The following MTHFD1L variants were observed in gnomAD, a reference collection of about 807,000 sequenced individuals.
The protein encoded by MTHFD1L is methylenetetrahydrofolate dehydrogenase (NADP+ dependent) 1 like.
In MTHFD1L, 81 loss-of-function variants were observed where a neutral mutation model predicts 119.5. The observed-to-expected ratio is 0.68, with a 90% CI of 0.57 to 0.82. The LOEUF (loss-of-function observed/expected upper bound fraction) is 0.82, where lower values mean the gene tolerates loss of function less well. Ranked by LOEUF, MTHFD1L falls within the 40% of genes least tolerant of loss-of-function variation. MTHFD1L has a pLI of 0.00. For synonymous variants in MTHFD1L, 430 were observed against 475.2 expected (o/e 0.90, Z 1.24); for missense variants, 1,125 against 1,253.4 (o/e 0.90, Z 1.55).
intron 27 of MTHFD1L, among the ~76,000 whole-genome samples, chr6:151,100,931 G>T (rs1189473087): frequency 2.6e-5 from 4 of 152,126 alleles, no homozygotes; most frequent in Non-Finnish European, 4.4e-5. Context: ...GGACAAGGCA[G>T]GCGGATCACT....
In MTHFD1L at chr6:151,056,841, C is replaced by T. The variant is rs575924926; in HGVS notation, c.2847+19724C>T. 4.6e-5 allele frequency among the ~76,000 whole-genome samples: 7 copies of T among 152,248 alleles called. No individual in the cohort carries two copies. The South Asian group carries it at 1.2e-3, about 27-fold the overall frequency. ...GTGTTCTGACCTGGGAGGGAAGGGA[C>T]GGAATCCTATTCATCTCTGAATCCT... On this transcript the variant is annotated intron_variant, in intron 26 of 27. Coordinates refer to ENST00000367321, the MANE Select transcript of MTHFD1L (RefSeq NM_015440.5).
intron 11 of MTHFD1L, among the ~76,000 whole-genome samples, chr6:150,928,692 C>G (rs992990931): frequency 6.6e-6 from 1 of 151,736 alleles, no homozygotes; most frequent in Non-Finnish European, 1.5e-5. Context: ...CAGGCATGCA[C>G]CCCCACGCCT....
chr6:150,904,499 G>C (rs1343197428), intron 7 of MTHFD1L, among the ~76,000 whole-genome samples: 2 of 152,190 alleles, frequency 1.3e-5, no homozygotes, highest in Non-Finnish European at 2.9e-5. Context: ...AATGAGCATA[G>C]TAACACCAAT....
At position 150,902,223 on chromosome 6, in the gene MTHFD1L, C is replaced by A. The variant is rs1583465418; in HGVS notation, c.781-3427C>A. ...ATCTCTTTATATTCAGATGCTTGTC[C>A]CTCCAGCTTAAAAATTCATGACTTT... On this transcript the variant is annotated intron_variant, in intron 7 of 27. Coordinates refer to ENST00000367321, the MANE Select transcript of MTHFD1L (RefSeq NM_015440.5). 1.3e-5 allele frequency among the ~76,000 whole-genome samples: 2 copies of A among 152,178 alleles called. 1 individual carries two copies. The highest frequency in any genetic ancestry group is 4.1e-4 in the South Asian group (2 of 4,820).
chr6:150,960,452 C>T (rs993960518), intron 18 of MTHFD1L, 37 bp downstream of exon 18: 10 of 1,575,020 alleles, frequency 6.3e-6, no homozygotes, highest in South Asian at 3.5e-5. Flanking sequence ...AGGGAGTGGA[C>T]GGTCCTCGTT....
intron 7 of MTHFD1L, among the ~76,000 whole-genome samples, chr6:150,902,169 C>T (rs1222554419): frequency 6.6e-6 from 1 of 152,156 alleles, no homozygotes; most frequent in African/African-American, 2.4e-5. Flanking sequence ...GTATAACTTT[C>T]CAAATCTCAT....
chr6:150,995,732 T>A lies in MTHFD1L; in HGVS notation c.2126-14087T>A, dbSNP rs187632902. 1.4e-3 allele frequency among the ~76,000 whole-genome samples: 210 copies of A among 151,812 alleles called. 2 individuals are homozygous for A. The East Asian group carries it at 0.025, about 18-fold the overall frequency. ...CCCAGGCTGGAGTGCAGTGGTGCAA[T>A]CTCGACTCACCGCAACCTCCGCCTC... On this transcript the variant is annotated intron_variant, in intron 20 of 27. Transcript: ENST00000367321.
At chr6:151,054,636 T>C (rs1789599921) in intron 26 of MTHFD1L, among the ~76,000 whole-genome samples, 1 of 152,188 alleles carries the variant, frequency 6.6e-6, no homozygotes, top group Non-Finnish European at 1.5e-5. Flanking sequence ...TGTAATTTTT[T>C]CCCCTGCATC....
At chr6:150,996,035 T>A (rs1457260549) in intron 20 of MTHFD1L, among the ~76,000 whole-genome samples, 1 of 152,168 alleles carries the variant, frequency 6.6e-6, no homozygotes, top group Non-Finnish European at 1.5e-5. Context: ...CAAAAAATGC[T>A]CATCCCTGCT....
chr6:150,892,397 G>A (rs1396256617), intron 7 of MTHFD1L, among the ~76,000 whole-genome samples: 1 of 152,136 alleles, frequency 6.6e-6, no homozygotes, highest in Non-Finnish European at 1.5e-5. Flanking sequence ...CGATTAAGTG[G>A]CTTCACTTTC....
intron 7 of MTHFD1L, among the ~76,000 whole-genome samples, chr6:150,905,036 C>CTTT (rs36039459): frequency 0.12 from 13,232 of 111,424 alleles, 968 homozygotes; most frequent in South Asian, 0.24. Context: ...TTGTTTTCCT[C>CTTT]TTTTTTTTTT....
chr6:150,866,194 C>T lies in MTHFD1L; in HGVS notation c.227+145C>T. ...TCATTAGGGGGGCCGGGCGGTGTGT[C>T]GGGAAACGCGGGCTTGGGCACTGCG... On this transcript the variant is annotated intron_variant, in intron 1 of 27. Transcript: ENST00000367321. 7 of 1,357,792 alleles carry T rather than the reference C, an allele frequency of 5.2e-6. No individual in the cohort carries two copies. The South Asian group carries it at 7.6e-5, about 15-fold the overall frequency. The allele number at this position is 1,357,792 out of a possible 1,614,324, so 84.1% of individuals were successfully genotyped here. A position where few individuals can be genotyped will look rare whatever the true frequency, so the allele number is the denominator to read the frequency against.
intron 1 of MTHFD1L, among the ~76,000 whole-genome samples, chr6:150,868,692 C>T (rs937827913): frequency 1.1e-4 from 16 of 151,912 alleles, no homozygotes; most frequent in Admixed American, 9.8e-4. Context: ...TATAATGGGC[C>T]AGATAGTAAA....
chr6:151,015,671 T>G lies in MTHFD1L; in HGVS notation c.2564T>G (p.Phe855Cys), dbSNP rs1782943734. ...GAGGCTGCGAGTAAAAGAAGCCGAT[T>G]CCAGTTCCTGTATGATGTTCAGGTA... ...VREAASKRSR[F>C]QFLYDVQVPI... Residue 855 changes from phenylalanine to cysteine, a missense_variant, in exon 24 of 28, where the codon TTC becomes TGC. Physicochemically the swap from Phe to Cys is radical, Grantham distance 205. Transcript: ENST00000367321. The G allele has an allele frequency of 6.2e-7, 1 of 1,613,852 alleles. No homozygotes were observed. Among genetic ancestry groups the G allele is most frequent in the Admixed American group, 1.7e-5 (1 of 59,956 alleles).
chr6:150,984,184 T>C (rs1334974523), intron 20 of MTHFD1L, among the ~76,000 whole-genome samples: 2 of 152,170 alleles, frequency 1.3e-5, no homozygotes, highest in African/African-American at 2.4e-5. Flanking sequence ...ACTTACTGGA[T>C]TAGAGGCAGG....
chr6:151,091,230 C>T (rs868753902), intron 26 of MTHFD1L, among the ~76,000 whole-genome samples: 2 of 142,060 alleles, frequency 1.4e-5, no homozygotes, highest in South Asian at 4.6e-4. Context: ...CCCCATGTGA[C>T]TGGGTGCAGC....
chr6:150,871,891 A>ATTTTTTTTTTTTTTTT (rs1562287413), intron 1 of MTHFD1L, among the ~76,000 whole-genome samples: 1 of 147,054 alleles, frequency 6.8e-6, no homozygotes, highest in African/African-American at 2.5e-5. Flanking sequence ...ATTTTATTTT[A>ATTTTTTTTTTTTTTTT]TTTTTTGAGA....
intron 20 of MTHFD1L, among the ~76,000 whole-genome samples, chr6:150,999,072 G>A (rs1186271386): frequency 6.6e-6 from 1 of 151,278 alleles, no homozygotes. Context: ...TTCATGTTTA[G>A]ACAGGGGTCC....
chr6:151,091,936 G>A (rs151312137), intron 26 of MTHFD1L, among the ~76,000 whole-genome samples: 370 of 152,290 alleles, frequency 2.4e-3, no homozygotes, highest in African/African-American at 8.6e-3. Context: ...AGGAAAGCAC[G>A]TAGCACAGTG....
Sources: gnomAD v4.1 joint callset for allele counts (sites outside exome capture counted in the v4.1 genomes callset) on GRCh38, gnomAD v4.1.1 for gene constraint, MANE v1.5 for transcripts, NCBI Gene and HGNC (gene_info 2026-07-23, HGNC 2026-07-21) for gene names.